The following ZBTB20 variants were observed in gnomAD, a reference collection of about 807,000 sequenced individuals.
ZBTB20 encodes the protein zinc finger and BTB domain-containing protein 20.
Under a neutral mutation model 56.9 loss-of-function variants are expected in ZBTB20, and 9 were observed. The observed-to-expected ratio is 0.16, with a 90% CI of 0.10 to 0.28. The LOEUF (loss-of-function observed/expected upper bound fraction) is 0.28. Among genes scored for constraint, ZBTB20 ranks in the 10% least tolerant of loss-of-function variants. ZBTB20 has a pLI of 1.00. For missense variants in ZBTB20, 655 were observed against 1,003.0 expected, an observed-to-expected ratio of 0.65 and a Z score of 4.69; for synonymous variants, 417 against 420.7, an observed-to-expected ratio of 0.99 and a Z score of 0.11.
At chr3:114,398,895 T>C (rs2086566713) in intron 7 of ZBTB20, among the ~76,000 whole-genome samples, 1 of 152,150 alleles carries the variant, frequency 6.6e-6, no homozygotes, top group Non-Finnish European at 1.5e-5. Context: ...GGAGACACAA[T>C]ACATTGGTGA....
chr3:114,873,476 A>G (rs1318214089), intron 4 of ZBTB20, among the ~76,000 whole-genome samples: 1 of 152,142 alleles, frequency 6.6e-6, no homozygotes, highest in Non-Finnish European at 1.5e-5. Flanking sequence ...TGACATTATA[A>G]ATGTCTTATG....
At chr3:114,459,003 TTG>T (rs1267569284) in intron 7 of ZBTB20, among the ~76,000 whole-genome samples, 72 of 152,294 alleles carry the variant, frequency 4.7e-4, no homozygotes, top group Admixed American at 3.9e-4. Context: ...TAGTGTACAT[TTG>T]TATGAATAAG....
intron 6 of ZBTB20, among the ~76,000 whole-genome samples, chr3:114,559,664 GT>G (rs2110268546): frequency 6.6e-6 from 1 of 152,292 alleles, no homozygotes; most frequent in Non-Finnish European, 1.5e-5. Flanking sequence ...ACCTCCCTAG[GT>G]AGATTGGAAG....
intron 6 of ZBTB20, among the ~76,000 whole-genome samples, chr3:114,685,571 C>T (rs2108278318): frequency 6.6e-6 from 1 of 152,258 alleles, no homozygotes; most frequent in Admixed American, 6.5e-5. Flanking sequence ...ACAATGGATC[C>T]CACTTGCTGT....
At chr3:114,607,452 A>G (rs1374561038) in intron 6 of ZBTB20, among the ~76,000 whole-genome samples, 1 of 151,402 alleles carries the variant, frequency 6.6e-6, no homozygotes, top group Non-Finnish European at 1.5e-5. Flanking sequence ...ACAGGCATGC[A>G]CCCCCAACGC....
At chr3:114,362,426 T>G (rs2081984900) in intron 10 of ZBTB20, among the ~76,000 whole-genome samples, 1 of 152,218 alleles carries the variant, frequency 6.6e-6, no homozygotes, top group South Asian at 2.1e-4. Context: ...AGCTCTTCGC[T>G]ACACTTCACA....
At chr3:114,602,193 T>C (rs1419057542) in intron 6 of ZBTB20, among the ~76,000 whole-genome samples, 1 of 152,030 alleles carries the variant, frequency 6.6e-6, no homozygotes, top group Admixed American at 6.6e-5. Context: ...TAACAAGTTC[T>C]ATAGAGTTAC....
At chr3:114,552,365 C>T (rs1376919062) in intron 6 of ZBTB20, among the ~76,000 whole-genome samples, 2 of 151,928 alleles carry the variant, frequency 1.3e-5, no homozygotes, top group East Asian at 1.9e-4. Context: ...GGAAATCTAT[C>T]CCAAAAAGAT....
At chr3:114,557,442 T>A (rs2051382126) in intron 6 of ZBTB20, among the ~76,000 whole-genome samples, 1 of 152,006 alleles carries the variant, frequency 6.6e-6, no homozygotes, top group African/African-American at 2.4e-5. Flanking sequence ...CATTTAGTAT[T>A]TGCAGTATGT....
chr3:115,025,362 G>C (rs1173134398), intron 2 of ZBTB20, among the ~76,000 whole-genome samples: 1 of 151,240 alleles, frequency 6.6e-6, no homozygotes, highest in Admixed American at 6.6e-5. Context: ...TGGGCATTTA[G>C]GTTGAATCCA....
At position 114,351,926 on chromosome 3, in the gene ZBTB20, G is replaced by C. The variant is rs765293005; in HGVS notation, c.200-48C>G. 4 of 1,552,666 alleles carry C rather than the reference G, an allele frequency of 2.6e-6. No individual in the cohort carries two copies. In the South Asian group the frequency reaches 4.9e-5, roughly 19 times the overall value. On this transcript the variant is annotated intron_variant, in intron 10 of 11. Transcript: ENST00000675478. ...CAAAACAGGGCATGGGTCAGATCTA[G>C]CTGGTTGCATTCCTAACACCTAGGT...
chr3:114,650,015 G>C (rs1031777229), intron 6 of ZBTB20, among the ~76,000 whole-genome samples: 3 of 151,848 alleles, frequency 2.0e-5, no homozygotes, highest in South Asian at 4.1e-4. Context: ...ACACACAAGA[G>C]AGAAACAATT....
intron 3 of ZBTB20, among the ~76,000 whole-genome samples, chr3:114,919,197 C>T (rs1295552960): frequency 2.0e-5 from 3 of 151,770 alleles, no homozygotes; most frequent in South Asian, 2.1e-4. Context: ...AAGTGGGGGC[C>T]TGGGGGAAAA....
chr3:114,813,869 A>C (rs192879608), intron 4 of ZBTB20, among the ~76,000 whole-genome samples: 4 of 152,340 alleles, frequency 2.6e-5, no homozygotes, highest in African/African-American at 7.2e-5. Flanking sequence ...ATCTGTGTGA[A>C]GTGTTCTCTA....
chr3:114,772,573 C>T (rs1394898829), intron 5 of ZBTB20, among the ~76,000 whole-genome samples: 2 of 151,850 alleles, frequency 1.3e-5, no homozygotes, highest in African/African-American at 4.8e-5. Context: ...GTTTATCAAA[C>T]AGAAAATAAA....
intron 4 of ZBTB20, among the ~76,000 whole-genome samples, chr3:114,829,880 C>T (rs1049981267): frequency 6.6e-6 from 1 of 151,762 alleles, no homozygotes; most frequent in African/African-American, 2.4e-5. Flanking sequence ...GTCAAAATTT[C>T]ATGTTGACTT....
At chr3:114,542,384 C>A (rs1420505274) in intron 6 of ZBTB20, among the ~76,000 whole-genome samples, 3 of 152,070 alleles carry the variant, frequency 2.0e-5, no homozygotes, top group Admixed American at 6.6e-5. Context: ...TCAACCATAA[C>A]TATAATAAAA....
At chr3:115,123,569 T>G (rs966928507) in intron 1 of ZBTB20, among the ~76,000 whole-genome samples, 10 of 152,130 alleles carry the variant, frequency 6.6e-5, no homozygotes, top group African/African-American at 2.4e-4. Context: ...CTTTATAAGC[T>G]CTGGACACCT....
chr3:114,409,155 T>C (rs561581877), intron 7 of ZBTB20, among the ~76,000 whole-genome samples: 1 of 76,488 alleles, frequency 1.3e-5, no homozygotes, highest in South Asian at 4.0e-4. Flanking sequence ...TTTTTTTTTC[T>C]GAGAGAAAAA....
Sources: gnomAD v4.1 joint callset for allele counts (sites outside exome capture counted in the v4.1 genomes callset) on GRCh38, gnomAD v4.1.1 for gene constraint, MANE v1.5 for transcripts, NCBI Gene and HGNC (gene_info 2026-07-23, HGNC 2026-07-21) for gene names.